NUDT12: variants seen among roughly 807,000 people sequenced by gnomAD.
NUDT12 encodes nudix hydrolase 12.
Under a neutral mutation model 45.7 loss-of-function variants are expected in NUDT12, and 42 were observed. The ratio of observed to expected loss-of-function variants is 0.92; its 90% CI spans 0.72 to 1.19. The LOEUF (loss-of-function observed/expected upper bound fraction) is 1.19, where lower values mean the gene tolerates loss of function less well. NUDT12 is among the 50% of genes most tolerant of loss of function. NUDT12 has a pLI of 0.00. For synonymous variants in NUDT12, 206 were observed against 179.7 expected, an observed-to-expected ratio of 1.15 and a Z score of -1.17; for missense variants, 590 against 533.1, an observed-to-expected ratio of 1.11 and a Z score of -1.05.
intron 1 of NUDT12, among the ~76,000 whole-genome samples, chr5:103,561,629 T>C (rs757465028): frequency 5.3e-5 from 8 of 152,374 alleles, no homozygotes; most frequent in Middle Eastern, 3.4e-3. Flanking sequence ...CTACAAATTT[T>C]CAGGACTTTA....
intron 5 of NUDT12, among the ~76,000 whole-genome samples, chr5:103,554,183 C>T (rs190079844): frequency 6.6e-6 from 1 of 152,026 alleles, no homozygotes; most frequent in East Asian, 1.9e-4. Context: ...ACATGTGCTA[C>T]AGGCATGTGC....
At position 103,560,040 on chromosome 5, in the gene NUDT12, T is replaced by A. The variant is rs749203575; in HGVS notation, c.206+3A>T. 1 of 1,604,728 alleles carries A rather than the reference T, an allele frequency of 6.2e-7. No homozygotes were observed. The highest frequency in any genetic ancestry group is 1.7e-5 in the Admixed American group (1 of 59,998). On this transcript the variant is annotated splice_donor_region_variant and intron_variant, in intron 2 of 6. Coordinates refer to ENST00000230792, the MANE Select transcript of NUDT12 (RefSeq NM_031438.4). ...TTCAGGTGGTACAGCCTAAAATGTT[T>A]ACCCTTTCTCAAGCAGAAATTGGAC...
intron 4 of NUDT12, among the ~76,000 whole-genome samples, chr5:103,555,608 C>T (rs1045286804): frequency 3.9e-5 from 6 of 151,932 alleles, no homozygotes; most frequent in African/African-American, 1.4e-4. Context: ...GGCTGTACTG[C>T]TTTAGTAATG....
rs1748981643 is a variant in NUDT12 at position 103,560,066 on chromosome 5, T to C, written c.183A>G (p.Ile61Met). 1 of 1,613,532 alleles carries C rather than the reference T, an allele frequency of 6.2e-7. No homozygotes were observed. ...MYAARNGHPE[I>M]VQFLLEKGCD... ...ACCCTTTCTCAAGCAGAAATTGGAC[T>C]ATCTCTGGGTGCCCATTCCTTGCCG... The change falls in exon 2 of 7, where the codon ATA becomes ATG. Residue 61 changes from isoleucine to methionine, a missense_variant. Physicochemically the swap from Ile to Met is conservative, Grantham distance 10. Coordinates refer to ENST00000230792, the MANE Select transcript of NUDT12 (RefSeq NM_031438.4).
chr5:103,554,790 T>C lies in NUDT12; in HGVS notation c.1028A>G (p.Lys343Arg), dbSNP rs1748760959. Residue 343 changes from lysine (K) to arginine (R), a missense_variant, in exon 5 of 7, where the codon AAA becomes AGA. Physicochemically the swap from Lys to Arg is conservative, Grantham distance 26. Transcript: ENST00000230792. The stretch of plus-strand genomic sequence containing the variant: ...AGTAAACATGCCTGGGGGAAATCTT[T>C]TCTGCCTGCCTAAAAGGCATTTGGT... ...DGTKCLLGRQ[K>R]RFPPGMFTCL... 2 of 1,562,396 alleles carry C rather than the reference T, an allele frequency of 1.3e-6. No individual in the cohort carries two copies. The highest frequency in any genetic ancestry group is 1.4e-5 in the African/African-American group (1 of 72,480).
At chr5:103,559,761 G>T in intron 2 of NUDT12, 1 of 484,818 alleles carries the variant, frequency 2.1e-6, no homozygotes, top group Non-Finnish European at 3.6e-6. Flanking sequence ...TCTACAAGAA[G>T]TCCTTGGTAG....
Position 103,550,784 on chromosome 5 carries a change from G to T in NUDT12, c.*77C>A. 1 of 1,023,796 alleles carries T rather than the reference G, an allele frequency of 9.8e-7. No individual in the cohort carries two copies. Among genetic ancestry groups the T allele is most frequent in the South Asian group, 1.4e-5 (1 of 73,230 alleles). 63.4% of individuals were successfully genotyped at this position (1,023,796 alleles called of 1,614,324 possible). ...GTGTTGTGACACTCTCAAGAGTACT[G>T]AATAATCTCTAATATCACTTGAGGA... is the stretch of plus-strand genomic sequence containing the variant. On this transcript the variant is annotated 3_prime_UTR_variant, in exon 7 of 7. Transcript: ENST00000230792.
chr5:103,553,093 C>T lies in NUDT12; in HGVS notation c.1079-677G>A, dbSNP rs149575038. Among the ~76,000 whole-genome samples the T allele has an allele frequency of 3.7e-3, 568 of 151,962 alleles. 3 individuals are homozygous for T. The highest frequency in any genetic ancestry group is 0.013 in the African/African-American group (545 of 41,472). On this transcript the variant is annotated intron_variant, in intron 5 of 6. Coordinates refer to ENST00000230792, the MANE Select transcript of NUDT12 (RefSeq NM_031438.4). ...TTTAGAAACATTTTGCTAAATATTG[C>T]TGTATTTAGCAAAATATATTTTAAA...
At chr5:103,561,006 A>G (rs1055394849) in intron 1 of NUDT12, among the ~76,000 whole-genome samples, 5 of 149,818 alleles carry the variant, frequency 3.3e-5, no homozygotes, top group Non-Finnish European at 7.4e-5. Context: ...TACCTCTTAA[A>G]TATTGCCTAA....
At chr5:103,551,098 C>T in intron 6 of NUDT12, 127 bp from the exon 7 acceptor site, 3 of 643,174 alleles carry the variant, frequency 4.7e-6, no homozygotes, top group Non-Finnish European at 7.9e-6. Context: ...TAGAAAGTGA[C>T]AACATCCATA....
chr5:103,549,581 T>C lies in NUDT12; in HGVS notation c.*1280A>G, dbSNP rs547258306. ...ACTGTTGTAATTAGTTATGTAACTTTCACTAATTAGGTAAATTCACCTTTC... is the reference window on the plus strand; with the variant it reads ...ACTGTTGTAATTAGTTATGTAACTTCCACTAATTAGGTAAATTCACCTTTC... On this transcript the variant is annotated 3_prime_UTR_variant, in exon 7 of 7. Coordinates refer to ENST00000230792, the MANE Select transcript of NUDT12 (RefSeq NM_031438.4). The C allele has an allele frequency of 2.4e-4, 36 of 152,132 alleles. No individual in the cohort carries two copies. Among genetic ancestry groups the C allele is most frequent in the African/African-American group, 8.7e-4 (36 of 41,560 alleles). The allele number at this position is 152,132 out of a possible 1,614,324, so 9.4% of individuals were successfully genotyped here.
In NUDT12 at chr5:103,559,327, T is replaced by G. The variant is rs771787865; in HGVS notation, c.348A>C (p.Glu116Asp). ...GTGTTTTGCTAAAATAATTTTCACA[T>G]TCTTCCACTTCATTCGTTAGGAACC... ...KPWFLTNEVE[E>D]CENYFSKTLL... The change falls in exon 3 of 7, where the codon GAA (glutamate) becomes GAC (aspartate). Residue 116 changes from glutamate to aspartate, a missense_variant. By Grantham distance (45) the Glu-to-Asp change is conservative. Transcript: ENST00000230792. The G allele has an allele frequency of 1.2e-6, 2 of 1,613,300 alleles. No homozygotes were observed. Among genetic ancestry groups the G allele is most frequent in the African/African-American group, 2.7e-5 (2 of 74,894 alleles).
At position 103,560,736 on chromosome 5, in the gene NUDT12, A is replaced by AG. The variant is rs548618087; in HGVS notation, c.-6-483dup. Among the ~76,000 whole-genome samples the AG allele has an allele frequency of 2.1e-3, 320 of 152,292 alleles. 1 individual carries two copies. Among genetic ancestry groups the AG allele is most frequent in the African/African-American group, 7.6e-3 (315 of 41,572 alleles). ...AGGATCTATTTTTGTTCATGGCATG[A>AG]GGTAGGGGTCAAGATACTTTTTTAC... On this transcript the variant is annotated intron_variant, in intron 1 of 6. Coordinates refer to ENST00000230792, the MANE Select transcript of NUDT12 (RefSeq NM_031438.4).
chr5:103,551,891 A>G (rs1748664980), intron 6 of NUDT12, among the ~76,000 whole-genome samples: 1 of 152,222 alleles, frequency 6.6e-6, no homozygotes, highest in African/African-American at 2.4e-5. Context: ...TAAAATGTAT[A>G]AGAATATTCC....
At chr5:103,562,306 T>C (rs1421072105) in intron 1 of NUDT12, among the ~76,000 whole-genome samples, 3 of 152,014 alleles carry the variant, frequency 2.0e-5, no homozygotes, top group African/African-American at 4.8e-5. Flanking sequence ...ATTAACGAAT[T>C]TCATCCACTC....
In NUDT12 at chr5:103,560,094, T is replaced by C. The variant is rs765324998; in HGVS notation, c.155A>G (p.Tyr52Cys). The C allele has an allele frequency of 8.1e-6, 13 of 1,613,874 alleles. No individual in the cohort carries two copies. The African/African-American group carries it at 1.7e-4, about 22-fold the overall frequency. Residue 52 changes from tyrosine to cysteine, a missense_variant, in exon 2 of 7, where the codon TAT becomes TGT. Physicochemically the swap from Tyr to Cys is radical, Grantham distance 194 (BLOSUM62 -2). Transcript: ENST00000230792. ...TSENGWTALM[Y>C]AARNGHPEIV... ...CTCTGGGTGCCCATTCCTTGCCGCATACATTAAAGCAGTCCAGCCATTTTC... is the reference window on the plus strand; with the variant it reads ...CTCTGGGTGCCCATTCCTTGCCGCACACATTAAAGCAGTCCAGCCATTTTC...
chr5:103,556,602 A>G (rs1748829461), intron 3 of NUDT12, among the ~76,000 whole-genome samples: 1 of 152,112 alleles, frequency 6.6e-6, no homozygotes, highest in Non-Finnish European at 1.5e-5. Context: ...TTTCAACTGG[A>G]GACTGCATGT....
At chr5:103,556,575 T>C (rs1414660744) in intron 3 of NUDT12, among the ~76,000 whole-genome samples, 1 of 152,114 alleles carries the variant, frequency 6.6e-6, no homozygotes, top group Non-Finnish European at 1.5e-5. Flanking sequence ...GTCCAAGCCA[T>C]GTGGAACACA....
Position 103,550,161 on chromosome 5 carries a change from TA to T in NUDT12, c.*699del, listed in dbSNP as rs957410383. ...TATAAGTAGATATGTTAATTAATTT[TA>T]GGTCTAAAAGAGAGGTCCCAGATAT... On this transcript the variant is annotated 3_prime_UTR_variant, in exon 7 of 7. Coordinates refer to ENST00000230792, the MANE Select transcript of NUDT12 (RefSeq NM_031438.4). 1 of 152,192 alleles carries T rather than the reference TA, an allele frequency of 6.6e-6. No homozygotes were observed. The highest frequency in any genetic ancestry group is 2.4e-5 in the African/African-American group (1 of 41,456). 9.4% of individuals were successfully genotyped at this position (152,192 alleles called of 1,614,324 possible). A position where few individuals can be genotyped will look rare whatever the true frequency, so the allele number is the denominator to read the frequency against.
Sources: gnomAD v4.1 joint callset for allele counts (sites outside exome capture counted in the v4.1 genomes callset) on GRCh38, gnomAD v4.1.1 for gene constraint, MANE v1.5 for transcripts, NCBI Gene and HGNC (gene_info 2026-07-23, HGNC 2026-07-21) for gene names.